Variants in DOCK1 observed in about 807,000 individuals in gnomAD.
The protein encoded by DOCK1 is dedicator of cytokinesis protein 1.
In DOCK1, 138 loss-of-function variants were observed where a neutral mutation model predicts 262.7. The ratio of observed to expected loss-of-function variants is 0.53; its 90% CI spans 0.46 to 0.61. The LOEUF (loss-of-function observed/expected upper bound fraction) is 0.61. Among genes scored for constraint, DOCK1 ranks in the 20% least tolerant of loss-of-function variants. The pLI is 0.00. For missense variants in DOCK1, 1,908 were observed against 2,370.7 expected (o/e 0.80, Z 4.05); for synonymous variants, 866 against 867.4 (o/e 1.00, Z 0.03).
At chr10:127,233,256 T>C (rs1435301353) in intron 27 of DOCK1, among the ~76,000 whole-genome samples, 1 of 152,234 alleles carries the variant, frequency 6.6e-6, no homozygotes, top group Non-Finnish European at 1.5e-5. Context: ...AAGTGCAAGC[T>C]CTAAATTTTG....
At chr10:127,065,646 T>C (rs186154962) in intron 23 of DOCK1, among the ~76,000 whole-genome samples, 152 of 152,262 alleles carry the variant, frequency 1.0e-3, no homozygotes, top group African/African-American at 3.4e-3. Context: ...AAACCTCACT[T>C]GAAATTCCAT....
chr10:127,270,991 A>ATGTG (rs145447357), intron 29 of DOCK1, among the ~76,000 whole-genome samples: 3,885 of 111,758 alleles, frequency 0.035, 126 homozygotes, highest in East Asian at 0.089. Flanking sequence ...AAAGTTATAT[A>ATGTG]TGTGTGTATG....
At chr10:127,291,271 A>G (rs2061336967) in intron 29 of DOCK1, among the ~76,000 whole-genome samples, 1 of 152,174 alleles carries the variant, frequency 6.6e-6, no homozygotes, top group South Asian at 2.1e-4. Context: ...GTGGTATCGA[A>G]TTTTACCTGG....
At chr10:127,185,653 A>G (rs993728863) in intron 27 of DOCK1, among the ~76,000 whole-genome samples, 4 of 152,224 alleles carry the variant, frequency 2.6e-5, no homozygotes, top group East Asian at 3.9e-4. Flanking sequence ...ACCTGGCTGT[A>G]TAATGAAACA....
rs2037154341 is a variant in DOCK1, at chr10:126,960,817, T to G, written c.47-9885T>G. On this transcript the variant is annotated intron_variant, in intron 1 of 51. Transcript: ENST00000623213. ...ACACACACACACACACACATAGATA[T>G]ATACGTGTGTATATCTATACGTATA... Among the ~76,000 whole-genome samples the G allele has an allele frequency of 7.1e-5, 10 of 140,652 alleles. No homozygotes were observed. The South Asian group carries it at 2.5e-3, about 35-fold the overall frequency. The allele number at this position is 140,652 out of a possible 152,430, so 92.3% of individuals were successfully genotyped here.
Position 127,042,706 on chromosome 10 carries a change from GA to G in DOCK1, c.2093del (p.Asp698ValfsTer9). 1 of 1,614,032 alleles carries G rather than the reference GA, an allele frequency of 6.2e-7. No homozygotes were observed. The highest frequency in any genetic ancestry group is 8.5e-7 in the Non-Finnish European group (1 of 1,179,944). On this transcript the variant is annotated frameshift_variant, in exon 20 of 52. Coordinates refer to ENST00000623213, the MANE Select transcript of DOCK1 (RefSeq NM_001290223.2). LOFTEE classifies it high-confidence loss of function. ...ESETFDTLVF[D>X]ALVFIIGLIA... Reference sequence around the variant, plus strand: ...TGAGACTTTTGACACGTTAGTCTTTGATGCTCTGGTAAGAGAGCTTTCCTTC... The same window carrying G: ...TGAGACTTTTGACACGTTAGTCTTTGTGCTCTGGTAAGAGAGCTTTCCTTC...
intron 25 of DOCK1, among the ~76,000 whole-genome samples, chr10:127,111,481 C>T (rs148603870): frequency 6.6e-6 from 1 of 152,138 alleles, no homozygotes; most frequent in South Asian, 2.1e-4. Context: ...ACATGACGCT[C>T]CATTGAGCTA....
At chr10:126,985,871 G>A (rs770936226) in intron 4 of DOCK1, among the ~76,000 whole-genome samples, 2 of 152,094 alleles carry the variant, frequency 1.3e-5, no homozygotes, top group Non-Finnish European at 2.9e-5. Context: ...TTGAGATGGT[G>A]TCTCGCTTTG....
Position 127,336,729 on chromosome 10 carries a change from C to T in DOCK1, c.3045-2277C>T, listed in dbSNP as rs188845487. On this transcript the variant is annotated intron_variant, in intron 29 of 51. Coordinates refer to ENST00000623213, the MANE Select transcript of DOCK1 (RefSeq NM_001290223.2). ...TAATTTTTTGTATTTTTAGTAGAAA[C>T]GGGGTTTCACTGTGTTAGCCAGGAT... is the stretch of plus-strand genomic sequence containing the variant. Among the ~76,000 whole-genome samples the T allele has an allele frequency of 5.6e-3, 852 of 152,088 alleles. 9 individuals carry two copies. The highest frequency in any genetic ancestry group is 0.019 in the African/African-American group (797 of 41,502).
chr10:127,426,552 G>C (rs545246899), intron 47 of DOCK1, among the ~76,000 whole-genome samples: 6 of 152,206 alleles, frequency 3.9e-5, no homozygotes, highest in Admixed American at 1.3e-4. Context: ...TCTAGACCAA[G>C]GAAGATAAGC....
At chr10:126,918,953 C>G (rs763682872) in intron 1 of DOCK1, among the ~76,000 whole-genome samples, 1 of 149,716 alleles carries the variant, frequency 6.7e-6, no homozygotes. Context: ...TGCAGATGGG[C>G]ACAGAGGATT....
At chr10:127,366,911 T>C (rs1329595393) in intron 33 of DOCK1, among the ~76,000 whole-genome samples, 1 of 152,188 alleles carries the variant, frequency 6.6e-6, no homozygotes, top group Non-Finnish European at 1.5e-5. Context: ...ATTAGGGGGA[T>C]TTGTTTTTAC....
At chr10:127,021,860 A>G (rs900217353) in intron 13 of DOCK1, among the ~76,000 whole-genome samples, 1 of 151,968 alleles carries the variant, frequency 6.6e-6, no homozygotes, top group African/African-American at 2.4e-5. Context: ...CAAGAAAGCA[A>G]GGAGCAAAGA....
At chr10:126,947,711 A>AGTATTACTGTTGGTGG (rs2035624421) in intron 1 of DOCK1, among the ~76,000 whole-genome samples, 1 of 42,690 alleles carries the variant, frequency 2.3e-5, no homozygotes, top group Admixed American at 2.5e-4. Context: ...GTTGGTGGTG[A>AGTATTACTGTTGGTGG]TGGTGGTGGT....
intron 47 of DOCK1, among the ~76,000 whole-genome samples, chr10:127,426,302 A>G (rs2068811419): frequency 6.6e-6 from 1 of 152,184 alleles, no homozygotes; most frequent in Admixed American, 6.6e-5. Context: ...TTGCAGAGCA[A>G]TGGAGAAATC....
intron 22 of DOCK1, 137 bp from the exon 23 acceptor site, chr10:127,061,531 T>A (rs1424893283): frequency 1.3e-6 from 1 of 740,818 alleles, no homozygotes; most frequent in East Asian, 2.7e-5. Context: ...TTACCTTCCT[T>A]GCTTCATAGA....
intron 29 of DOCK1, among the ~76,000 whole-genome samples, chr10:127,292,070 A>G (rs1271961584): frequency 1.3e-5 from 2 of 152,210 alleles, no homozygotes; most frequent in Non-Finnish European, 2.9e-5. Context: ...TTATATTTCA[A>G]GGACCTGCCT....
Position 127,275,495 on chromosome 10 carries a change from G to A in DOCK1, c.3044+18066G>A, listed in dbSNP as rs2060709754. ...TCATTGGGTTTTCATGGCGCTCAGG[G>A]TCAGACAGATGGTGTGTCGGGAGCT... On this transcript the variant is annotated intron_variant, in intron 29 of 51. Transcript: ENST00000623213. 2.0e-5 allele frequency among the ~76,000 whole-genome samples: 3 copies of A among 152,158 alleles called. No homozygotes were observed. In the South Asian group the frequency reaches 6.2e-4, roughly 32 times the overall value.
intron 40 of DOCK1, among the ~76,000 whole-genome samples, chr10:127,407,771 C>T (rs977281263): frequency 1.5e-4 from 23 of 152,122 alleles, no homozygotes; most frequent in African/African-American, 5.1e-4. Context: ...GTTCTTCCCC[C>T]GTGTCCCCTG....
Sources: allele counts gnomAD v4.1 joint callset (sites outside exome capture counted in the v4.1 genomes callset), GRCh38; gene constraint gnomAD v4.1.1; transcripts MANE v1.5; gene names NCBI Gene and HGNC (gene_info 2026-07-23, HGNC 2026-07-21).